The following NRG3 variants were observed in gnomAD, a reference collection of about 807,000 sequenced individuals.
NRG3 encodes the protein neuregulin 3, also known as pro-neuregulin-3, membrane-bound isoform.
NRG3 carries 31 observed loss-of-function variants against 66.9 expected under a neutral mutation model. That is an observed-to-expected ratio of 0.46 (90% CI 0.35 to 0.63). The LOEUF (loss-of-function observed/expected upper bound fraction) is 0.63, where lower values mean the gene tolerates loss of function less well. Ranked by LOEUF, NRG3 falls within the 20% of genes least tolerant of loss-of-function variation. NRG3 has a pLI of 0.00. For missense variants in NRG3, 910 were observed against 878.9 expected, an observed-to-expected ratio of 1.04 and a Z score of -0.45; for synonymous variants, 393 against 359.4, an observed-to-expected ratio of 1.09 and a Z score of -1.06.
rs2133329801 is a variant in NRG3 at position 82,189,429 on chromosome 10, G to A, written c.824-169310G>A. Among the ~76,000 whole-genome samples the A allele has an allele frequency of 1.3e-5, 2 of 152,192 alleles. 1 individual carries two copies. Among genetic ancestry groups the A allele is most frequent in the South Asian group, 4.2e-4 (2 of 4,818 alleles). Reference sequence around the variant, plus strand: ...CCCAGCACTTTGGGAGGCCAAGGCAGGCAGATCGCTTGAGCCCAGGAGTGC... The same window carrying A: ...CCCAGCACTTTGGGAGGCCAAGGCAAGCAGATCGCTTGAGCCCAGGAGTGC... On this transcript the variant is annotated intron_variant, in intron 1 of 8. Transcript: ENST00000372141.
At chr10:82,222,205 T>G (rs1025778961) in intron 1 of NRG3, among the ~76,000 whole-genome samples, 1 of 152,090 alleles carries the variant, frequency 6.6e-6, no homozygotes, top group Non-Finnish European at 1.5e-5. Flanking sequence ...TCTTTTGTTT[T>G]AAGTTTTTGC....
intron 1 of NRG3, among the ~76,000 whole-genome samples, chr10:81,966,853 G>C (rs1000733364): frequency 5.3e-5 from 8 of 151,980 alleles, no homozygotes; most frequent in African/African-American, 1.9e-4. Flanking sequence ...TTTTTATACT[G>C]CAAGTAATAG....
chr10:82,557,382 G>T (rs2044718676), intron 2 of NRG3, among the ~76,000 whole-genome samples: 1 of 152,102 alleles, frequency 6.6e-6, no homozygotes, highest in Non-Finnish European at 1.5e-5. Context: ...TATCTGTAAT[G>T]ATCAGTGATA....
At chr10:81,945,203 G>C (rs1378706906) in intron 1 of NRG3, among the ~76,000 whole-genome samples, 2 of 151,982 alleles carry the variant, frequency 1.3e-5, no homozygotes, top group African/African-American at 4.8e-5. Flanking sequence ...CCATGACTTG[G>C]TGTTAATTCC....
At chr10:82,189,242 A>G (rs181937059) in intron 1 of NRG3, among the ~76,000 whole-genome samples, 48 of 152,260 alleles carry the variant, frequency 3.2e-4, no homozygotes, top group African/African-American at 1.1e-3. Context: ...AATAGTTTTG[A>G]ATAACTCTAT....
At chr10:82,426,561 T>C (rs1279598576) in intron 2 of NRG3, among the ~76,000 whole-genome samples, 1 of 149,246 alleles carries the variant, frequency 6.7e-6, no homozygotes, top group Non-Finnish European at 1.5e-5. Flanking sequence ...TTCAAGCTTT[T>C]TACCTTTTGG....
chr10:81,961,853 A>G (rs1850395342), intron 1 of NRG3, among the ~76,000 whole-genome samples: 1 of 152,264 alleles, frequency 6.6e-6, no homozygotes, highest in African/African-American at 2.4e-5. Flanking sequence ...CTGTCAACTC[A>G]GAAGGCAGTA....
intron 2 of NRG3, among the ~76,000 whole-genome samples, chr10:82,492,415 AAC>A (rs779901619): frequency 6.6e-6 from 1 of 152,212 alleles, no homozygotes; most frequent in Non-Finnish European, 1.5e-5. Context: ...AAAATTAAGT[AAC>A]ACTCTCTGGT....
At chr10:82,239,235 T>C (rs2076899909) in intron 1 of NRG3, among the ~76,000 whole-genome samples, 1 of 152,166 alleles carries the variant, frequency 6.6e-6, no homozygotes, top group African/African-American at 2.4e-5. Flanking sequence ...TATACACATA[T>C]ATACACATAC....
rs78601768 is a variant in NRG3, at chr10:82,178,817, C to T, written c.824-179922C>T. ...TTCATAGTGTTTTCCATAGCATCTG[C>T]ACCATTTTAGGTATTCCAACCAGCA... On this transcript the variant is annotated intron_variant, in intron 1 of 8. Coordinates refer to ENST00000372141, the MANE Select transcript of NRG3 (RefSeq NM_001010848.4). 6.8e-3 allele frequency among the ~76,000 whole-genome samples: 1,033 copies of T among 152,158 alleles called. 51 individuals are homozygous for T. In the East Asian group the frequency reaches 0.13, roughly 18 times the overall value.
At chr10:82,620,316 C>T (rs528847755) in intron 2 of NRG3, among the ~76,000 whole-genome samples, 7 of 152,202 alleles carry the variant, frequency 4.6e-5, no homozygotes, top group Admixed American at 2.0e-4. Context: ...TCTTGTCCAG[C>T]GTCCAAGAAG....
intron 2 of NRG3, among the ~76,000 whole-genome samples, chr10:82,693,957 C>A (rs1360806314): frequency 1.3e-5 from 2 of 152,038 alleles, no homozygotes; most frequent in Non-Finnish European, 2.9e-5. Context: ...CCATGTCCTG[C>A]TGATTTGTCC....
intron 2 of NRG3, among the ~76,000 whole-genome samples, chr10:82,490,377 C>T (rs1298800586): frequency 6.6e-6 from 1 of 152,174 alleles, no homozygotes; most frequent in African/African-American, 2.4e-5. Flanking sequence ...GATCTATCAG[C>T]AAGGCCATCT....
At chr10:82,723,569 A>T (rs764840242) in intron 2 of NRG3, among the ~76,000 whole-genome samples, 1 of 152,258 alleles carries the variant, frequency 6.6e-6, no homozygotes, top group Non-Finnish European at 1.5e-5. Context: ...TTTGCCAATA[A>T]AAGTAATTTT....
Position 82,712,445 on chromosome 10 carries a change from G to A in NRG3, c.954-26132G>A, listed in dbSNP as rs542735599. ...ATAGGGCTGTGAATCTCAAACCTTC[G>A]GGTGCATCAGAAACACGTGGAGGGC... On this transcript the variant is annotated intron_variant, in intron 2 of 8. Transcript: ENST00000372141. Among the ~76,000 whole-genome samples the A allele has an allele frequency of 6.0e-4, 92 of 152,222 alleles. 1 individual carries two copies. The highest frequency in any genetic ancestry group is 2.1e-3 in the African/African-American group (87 of 41,536).
At chr10:82,384,722 T>C (rs2085865844) in intron 2 of NRG3, among the ~76,000 whole-genome samples, 1 of 152,126 alleles carries the variant, frequency 6.6e-6, no homozygotes, top group Non-Finnish European at 1.5e-5. Context: ...TTATTGTGAG[T>C]AGTGATGCCA....
At chr10:82,914,595 G>GT (rs977897122) in intron 4 of NRG3, among the ~76,000 whole-genome samples, 3 of 152,052 alleles carry the variant, frequency 2.0e-5, no homozygotes, top group African/African-American at 7.2e-5. Context: ...GAAACATGTG[G>GT]TTTTTTGTTT....
intron 4 of NRG3, among the ~76,000 whole-genome samples, chr10:82,929,693 A>G (rs771628749): frequency 1.3e-5 from 2 of 152,006 alleles, no homozygotes; most frequent in Non-Finnish European, 2.9e-5. Context: ...ATACCAGCCA[A>G]TGTGGTGAAA....
intron 3 of NRG3, among the ~76,000 whole-genome samples, chr10:82,758,713 C>A (rs2059178070): frequency 6.6e-6 from 1 of 151,954 alleles, no homozygotes; most frequent in Admixed American, 6.6e-5. Flanking sequence ...ATGTGTCTTG[C>A]AGTGAGTGGT....
Sources: gnomAD v4.1 joint callset for allele counts (sites outside exome capture counted in the v4.1 genomes callset) on GRCh38, gnomAD v4.1.1 for gene constraint, MANE v1.5 for transcripts, NCBI Gene and HGNC (gene_info 2026-07-23, HGNC 2026-07-21) for gene names.